The following PTPN23 variants were observed in gnomAD, a reference collection of about 807,000 sequenced individuals.
The protein encoded by PTPN23 is tyrosine-protein phosphatase non-receptor type 23.
In PTPN23, 72 loss-of-function variants were observed where a neutral mutation model predicts 156.3. The ratio of observed to expected loss-of-function variants is 0.46; its 90% CI spans 0.38 to 0.56. The LOEUF is 0.56. Ranked by LOEUF, PTPN23 falls within the 20% of genes least tolerant of loss-of-function variation. The pLI is 0.00. For synonymous variants in PTPN23, 957 were observed against 899.6 expected (o/e 1.06, Z -1.14); for missense variants, 1,974 against 2,171.5 (o/e 0.91, Z 1.81).
chr3:47,410,366 A>G lies in PTPN23; in HGVS notation c.2568A>G (p.Pro856=). 1 of 1,610,350 alleles carries G rather than the reference A, an allele frequency of 6.2e-7. No individual in the cohort carries two copies. The highest frequency in any genetic ancestry group is 8.5e-7 in the Non-Finnish European group (1 of 1,178,588). Residue 856 remains proline (P), a synonymous_variant, in exon 20 of 25, where the codon CCA becomes CCG. Transcript: ENST00000265562. ...SPYVGVGPAP[P]VAGLPSAPPP... is the part of the protein sequence containing the mutation. ...ATGTGGGGGTAGGGCCGGCCCCACC[A>G]GTTGCAGGTCTCCCCTCGGCCCCAC...
chr3:47,396,075 T>A, intron 1 of PTPN23, 68 bp from the exon 2 acceptor site: 2 of 1,278,038 alleles, frequency 1.6e-6, no homozygotes. Flanking sequence ...GGTTGGTGCT[T>A]GCCCAGGACT....
Position 47,407,550 on chromosome 3 carries a change from T to C in PTPN23, c.969T>C (p.Ala323=). Residue 323 remains alanine (A), a synonymous_variant, in exon 12 of 25, where the codon GCT becomes GCC. Transcript: ENST00000265562. The surrounding 1 kb of genome is among the most constrained non-coding windows in gnomAD (Gnocchi z 4.0). The stretch of plus-strand genomic sequence containing the variant: ...ACAACGACTTCATTTACCATGAGGC[T>C]GTCCCAGCATTGGACACTCTTCAGC... ...KKDNDFIYHE[A]VPALDTLQPV... The C allele has an allele frequency of 1.9e-6, 3 of 1,614,056 alleles. No homozygotes were observed. Among genetic ancestry groups the C allele is most frequent in the Non-Finnish European group, 2.5e-6 (3 of 1,179,946 alleles).
At position 47,406,133 on chromosome 3, in the gene PTPN23, A is replaced by G. The variant is rs975462709; in HGVS notation, c.546+87A>G. ...GCAGTTGGGCCTGGATCCTGGACCA[A>G]GGCAGTGAGGGACAAGCAAGGGGCC... On this transcript the variant is annotated intron_variant, in intron 6 of 24. Transcript: ENST00000265562. This position sits in a 1 kb window ranked among gnomAD's most constrained non-coding sequence, Gnocchi z 5.8. 6.5e-7 allele frequency: 1 copy of G among 1,547,052 alleles called. No individual in the cohort carries two copies. Among genetic ancestry groups the G allele is most frequent in the South Asian group, 1.2e-5 (1 of 83,428 alleles).
chr3:47,412,393 A>C lies in PTPN23; in HGVS notation c.4289A>C (p.Gln1430Pro). ...ELPQLVRRMR[Q>P]QRKHMLQEKL... Reference sequence around the variant, plus strand: ...CCTCAGCTGGTGCGGCGCATGCGGCAGCAGAGAAAGCACATGCTGCAGGAG... The same window carrying C: ...CCTCAGCTGGTGCGGCGCATGCGGCCGCAGAGAAAGCACATGCTGCAGGAG... Residue 1430 changes from glutamine (Q) to proline (P), a missense_variant, in exon 23 of 25, where the codon CAG becomes CCG. Gln to Pro is a moderately conservative substitution (Grantham distance 76, BLOSUM62 -1). Transcript: ENST00000265562. The C allele has an allele frequency of 6.2e-7, 1 of 1,613,134 alleles. No homozygotes were observed. The highest frequency in any genetic ancestry group is 8.5e-7 in the Non-Finnish European group (1 of 1,180,004).
chr3:47,403,725 T>A (rs1426325140), intron 2 of PTPN23, among the ~76,000 whole-genome samples: 3 of 152,098 alleles, frequency 2.0e-5, no homozygotes, highest in African/African-American at 7.2e-5. Context: ...GACAGGGTCT[T>A]GCTACATTGC....
Position 47,410,113 on chromosome 3 carries a change from C to T in PTPN23, c.2315C>T (p.Pro772Leu), listed in dbSNP as rs1705232907. ...FLGSATPLHFPPSPFPSSTGP... is the reference protein window; with the variant it reads ...FLGSATPLHFLPSPFPSSTGP... Reference sequence around the variant, plus strand: ...GGAAGTGCCACCCCGCTCCACTTTCCTCCCAGCCCCTTCCCCAGCTCCACA... The same window carrying T: ...GGAAGTGCCACCCCGCTCCACTTTCTTCCCAGCCCCTTCCCCAGCTCCACA... The change falls in exon 20 of 25, where the codon CCT becomes CTT. Residue 772 changes from proline (P) to leucine (L), a missense_variant. This residue lies in a region of PTPN23 where 731 missense variants were observed against 669.1 expected (regional missense o/e 1.09). Transcript: ENST00000265562. 6 of 1,600,658 alleles carry T rather than the reference C, an allele frequency of 3.7e-6. No individual in the cohort carries two copies. Among genetic ancestry groups the T allele is most frequent in the Non-Finnish European group, 5.1e-6 (6 of 1,173,068 alleles).
chr3:47,411,987 T>C lies in PTPN23; in HGVS notation c.4073+20T>C. ...TGAGTTGTGAGTCCACTGCTCTGGA[T>C]GGTGGTTGGGGGTCTAAGTGCTGTC... is the stretch of plus-strand genomic sequence containing the variant. On this transcript the variant is annotated intron_variant, in intron 21 of 24. Transcript: ENST00000265562. The surrounding 1 kb of genome is among the most constrained non-coding windows in gnomAD (Gnocchi z 6.3). 1 of 1,607,870 alleles carries C rather than the reference T, an allele frequency of 6.2e-7. No homozygotes were observed. Among genetic ancestry groups the C allele is most frequent in the Non-Finnish European group, 8.5e-7 (1 of 1,176,572 alleles).
rs767949545 is a variant in PTPN23 at position 47,404,997 on chromosome 3, G to A, written c.288-8G>A. The A allele has an allele frequency of 1.2e-5, 19 of 1,614,190 alleles. No individual in the cohort carries two copies. The highest frequency in any genetic ancestry group is 1.6e-5 in the Non-Finnish European group (19 of 1,180,020). On this transcript the variant is annotated splice_polypyrimidine_tract_variant and splice_region_variant and intron_variant, in intron 3 of 24. Transcript: ENST00000265562. Reference sequence around the variant, plus strand: ...GCCCTCGAGATAACTGGGGTGCCATGTCTGCAGGACAGAGATCTTCTCAGG... The same window carrying A: ...GCCCTCGAGATAACTGGGGTGCCATATCTGCAGGACAGAGATCTTCTCAGG...
intron 2 of PTPN23, among the ~76,000 whole-genome samples, chr3:47,400,610 A>G (rs1053261611): frequency 8.5e-5 from 13 of 152,282 alleles, no homozygotes; most frequent in East Asian, 7.7e-4. Flanking sequence ...TTTCACTCCT[A>G]TTGCCCAGGG....
Position 47,413,147 on chromosome 3 carries a change from A to G in PTPN23, c.4873A>G (p.Ser1625Gly). The stretch of plus-strand genomic sequence containing the variant: ...CACCCGGCCCTCTGACGACCCCCTC[A>G]GCCTTCTGGATCCACTCTGGACACT... ...RATRPSDDPL[S>G]LLDPLWTLNK... is the part of the protein sequence containing the mutation. Residue 1625 changes from serine to glycine, a missense_variant, in exon 25 of 25, where the codon AGC (serine) becomes GGC (glycine). Around this residue, in one of 4 missense-constraint regions of PTPN23, gnomAD observed 484 missense variants for 516.0 expected, o/e 0.94. Coordinates refer to ENST00000265562, the MANE Select transcript of PTPN23 (RefSeq NM_015466.4). The G allele has an allele frequency of 6.2e-7, 1 of 1,612,638 alleles. No homozygotes were observed. The highest frequency in any genetic ancestry group is 8.5e-7 in the Non-Finnish European group (1 of 1,179,914).
At chr3:47,386,581 G>T (rs1313836498) in intron 1 of PTPN23, among the ~76,000 whole-genome samples, 1 of 152,090 alleles carries the variant, frequency 6.6e-6, no homozygotes. Flanking sequence ...CCATGGGATG[G>T]CTGGCTCTTG....
chr3:47,382,282 A>G (rs1390707144), intron 1 of PTPN23, among the ~76,000 whole-genome samples: 2 of 151,850 alleles, frequency 1.3e-5, no homozygotes, highest in Non-Finnish European at 2.9e-5. Context: ...ACGGTTATCC[A>G]GACGTTGCTC....
chr3:47,407,333 G>A lies in PTPN23; in HGVS notation c.889G>A (p.Ala297Thr), dbSNP rs750641394. The change falls in exon 11 of 25, where the codon GCG (alanine) becomes ACG (threonine). Residue 297 changes from alanine to threonine, a missense_variant. Ala to Thr is a moderately conservative substitution (Grantham distance 58). Transcript: ENST00000265562. This position sits in a 1 kb window ranked among gnomAD's most constrained non-coding sequence, Gnocchi z 4.0. ...GGGCCAGCCTGACACTGTGCAAGAC[G>A]CGCTTCGCTTCACTATGGATGTCAT... is the stretch of plus-strand genomic sequence containing the variant. ...AKGQPDTVQDALRFTMDVIGG... is the reference protein window; with the variant it reads ...AKGQPDTVQDTLRFTMDVIGG... 1.7e-5 allele frequency: 28 copies of A among 1,613,866 alleles called. No individual in the cohort carries two copies. The highest frequency in any genetic ancestry group is 6.7e-5 in the East Asian group (3 of 44,876).
rs377489929 is a variant in PTPN23, at chr3:47,406,295, C to T, written c.547-30C>T. 8.7e-6 allele frequency: 14 copies of T among 1,611,454 alleles called. No individual in the cohort carries two copies. The highest frequency in any genetic ancestry group is 5.3e-5 in the African/African-American group (4 of 74,848). ...GGGGAAGCGGGAGGCCTTGGGTGAGCGAGGGAGTGCACCTCACGTGTCGCC... is the reference window on the plus strand; with the variant it reads ...GGGGAAGCGGGAGGCCTTGGGTGAGTGAGGGAGTGCACCTCACGTGTCGCC... On this transcript the variant is annotated intron_variant, in intron 6 of 24. Transcript: ENST00000265562. This position sits in a 1 kb window ranked among gnomAD's most constrained non-coding sequence, Gnocchi z 5.8.
At position 47,412,165 on chromosome 3, in the gene PTPN23, G is replaced by A. The variant is rs780811219; in HGVS notation, c.4145G>A (p.Arg1382Gln). Residue 1382 changes from arginine (R) to glutamine (Q), a missense_variant, in exon 22 of 25, where the codon CGG (arginine) becomes CAG (glutamine). Coordinates refer to ENST00000265562, the MANE Select transcript of PTPN23 (RefSeq NM_015466.4). The part of the protein sequence containing the change: ...QEVHAHYLHQ[R>Q]PLHTPIIVHC... ...GTGCACGCACATTACCTGCATCAGCGGCCGCTGCACACGCCCATCATTGTG... is the reference window on the plus strand; with the variant it reads ...GTGCACGCACATTACCTGCATCAGCAGCCGCTGCACACGCCCATCATTGTG... 3.7e-6 allele frequency: 6 copies of A among 1,613,160 alleles called. No individual in the cohort carries two copies. Among genetic ancestry groups the A allele is most frequent in the African/African-American group, 1.3e-5 (1 of 75,048 alleles).
chr3:47,398,564 G>GTT (rs869164190), intron 2 of PTPN23, among the ~76,000 whole-genome samples: 33 of 143,054 alleles, frequency 2.3e-4, no homozygotes, highest in Non-Finnish European at 2.8e-4. Context: ...TAAACTTAAA[G>GTT]TTTTTTTTTT....
At chr3:47,392,136 T>C (rs1403019095) in intron 1 of PTPN23, among the ~76,000 whole-genome samples, 1 of 151,828 alleles carries the variant, frequency 6.6e-6, no homozygotes, top group Non-Finnish European at 1.5e-5. Flanking sequence ...TCGGCCCACC[T>C]TGGCCTCCCA....
intron 1 of PTPN23, among the ~76,000 whole-genome samples, chr3:47,395,606 C>T (rs1259959268): frequency 1.3e-5 from 2 of 152,230 alleles, no homozygotes; most frequent in African/African-American, 4.8e-5. Flanking sequence ...GGGCCATTCT[C>T]CTCACACAGC....
In PTPN23 at chr3:47,406,953, CAG is replaced by C. The variant is rs1428541871; in HGVS notation, c.808-174_808-173del. 1.2e-4 allele frequency among the ~76,000 whole-genome samples: 18 copies of C among 152,238 alleles called. No individual in the cohort carries two copies. Among genetic ancestry groups the C allele is most frequent in the South Asian group, 6.2e-4 (3 of 4,818 alleles). On this transcript the variant is annotated intron_variant, in intron 9 of 24. Coordinates refer to ENST00000265562, the MANE Select transcript of PTPN23 (RefSeq NM_015466.4). This position sits in a 1 kb window ranked among gnomAD's most constrained non-coding sequence, Gnocchi z 5.8. ...CTGAGGAGGTGGGGCAGGCTCCCTA[CAG>C]AGCAGGTGGCTGGGGCAGGGTGTGG...
Sources: gnomAD v4.1 joint callset for allele counts (sites outside exome capture counted in the v4.1 genomes callset) on GRCh38, gnomAD v4.1.1 for gene constraint, gnomAD v4.1.1 regional missense constraint, Gnocchi (gnomAD v3.1) non-coding constraint, MANE v1.5 for transcripts, NCBI Gene and HGNC (gene_info 2026-07-23, HGNC 2026-07-21) for gene names.